The following TRDN variants were observed in gnomAD, a reference collection of about 807,000 sequenced individuals.
The protein encoded by TRDN is triadin.
Under a neutral mutation model 149.7 loss-of-function variants are expected in TRDN, and 161 were observed. The ratio of observed to expected loss-of-function variants is 1.08; its 90% CI spans 0.95 to 1.23. The LOEUF (loss-of-function observed/expected upper bound fraction) is 1.23. Among genes scored for constraint, TRDN ranks in the 50% most tolerant of loss-of-function variants. TRDN has a pLI of 0.00. For synonymous variants in TRDN, 294 were observed against 250.5 expected, an observed-to-expected ratio of 1.17 and a Z score of -1.64; for missense variants, 896 against 823.5, an observed-to-expected ratio of 1.09 and a Z score of -1.08.
rs754886050 is a variant in TRDN at position 123,636,783 on chromosome 6, G to C, written c.-8C>G. ...AGCAGTGATCTCAGTCATGGTGGTC[G>C]TCAAAAGTAAAAGTCAGTTGAAAAG... On this transcript the variant is annotated 5_prime_UTR_variant, in exon 1 of 41. Coordinates refer to ENST00000334268, the MANE Select transcript of TRDN (RefSeq NM_006073.4). 8 of 1,611,198 alleles carry C rather than the reference G, an allele frequency of 5.0e-6. No individual in the cohort carries two copies. Among genetic ancestry groups the C allele is most frequent in the Middle Eastern group, 1.7e-4 (1 of 6,038 alleles).
At chr6:123,554,727 A>G (rs1169806174) in intron 2 of TRDN, among the ~76,000 whole-genome samples, 1 of 152,156 alleles carries the variant, frequency 6.6e-6, no homozygotes, top group Non-Finnish European at 1.5e-5. Flanking sequence ...GGAAGAAAGA[A>G]AAAACAGATA....
intron 12 of TRDN, among the ~76,000 whole-genome samples, chr6:123,432,108 T>C (rs1305022278): frequency 6.6e-6 from 1 of 152,172 alleles, no homozygotes; most frequent in African/African-American, 2.4e-5. Flanking sequence ...ACCTGACCAA[T>C]TCACCACCAC....
intron 24 of TRDN, among the ~76,000 whole-genome samples, chr6:123,288,063 A>T (rs2114644780): frequency 6.6e-6 from 1 of 152,206 alleles, no homozygotes; most frequent in South Asian, 2.1e-4. Flanking sequence ...TTAAAATAAA[A>T]ATATAAAGGT....
At chr6:123,276,237 T>C (rs954346031) in intron 26 of TRDN, among the ~76,000 whole-genome samples, 1 of 151,992 alleles carries the variant, frequency 6.6e-6, no homozygotes, top group Admixed American at 6.6e-5. Flanking sequence ...TAAGTAGAAG[T>C]AGAATGTTGC....
intron 21 of TRDN, among the ~76,000 whole-genome samples, chr6:123,341,759 C>T (rs1780072001): frequency 6.6e-6 from 1 of 151,878 alleles, no homozygotes; most frequent in South Asian, 2.1e-4. Flanking sequence ...CTAGAAAATA[C>T]TATATAACAC....
At chr6:123,604,185 A>G (rs1256049275) in intron 1 of TRDN, among the ~76,000 whole-genome samples, 1 of 152,214 alleles carries the variant, frequency 6.6e-6, no homozygotes, top group East Asian at 1.9e-4. Flanking sequence ...AGGCAGACAG[A>G]GAAGTGAGCC....
At chr6:123,503,489 T>C in intron 8 of TRDN, 6 of 985,038 alleles carry the variant, frequency 6.1e-6, no homozygotes, top group Non-Finnish European at 7.2e-6. Flanking sequence ...AAACCCCTTT[T>C]AAAAATACTT....
intron 7 of TRDN, among the ~76,000 whole-genome samples, chr6:123,506,361 A>T (rs562283645): frequency 1.3e-5 from 2 of 151,960 alleles, no homozygotes; most frequent in African/African-American, 4.8e-5. Flanking sequence ...CCTCTACTGG[A>T]CTGCTTTCTT....
chr6:123,503,861 C>A lies in TRDN; in HGVS notation c.651G>T (p.Lys217Asn), dbSNP rs781233223. 1 of 1,585,040 alleles carries A rather than the reference C, an allele frequency of 6.3e-7. No homozygotes were observed. The highest frequency in any genetic ancestry group is 2.3e-5 in the East Asian group (1 of 44,054). ...TTCCACCTTTCACTTCCTTTTTAGT[C>A]TTTTCTTCACTCTTTTCTGCAGTCT... ...KAKTAEKSEE[K>N]TKKEVKGGKQ... The change falls in exon 8 of 41, where the codon AAG becomes AAT. Residue 217 changes from lysine to asparagine, a missense_variant. By Grantham distance (94) the Lys-to-Asn change is moderately conservative. Coordinates refer to ENST00000334268, the MANE Select transcript of TRDN (RefSeq NM_006073.4).
At chr6:123,582,864 G>A (rs202014378) in intron 1 of TRDN, among the ~76,000 whole-genome samples, 8 of 3,488 alleles carry the variant, frequency 2.3e-3, no homozygotes, top group Admixed American at 8.3e-3. Flanking sequence ...GAGTGGGATT[G>A]GGGGGGCGTG....
rs571365834 is a variant in TRDN, at chr6:123,507,842, G to A, written c.611-3941C>T. ...TCCATTAGCTACTGCATCAGATTCA[G>A]AATGTCTGATGCCAAAGTATTAAAT... On this transcript the variant is annotated intron_variant, in intron 7 of 40. Coordinates refer to ENST00000334268, the MANE Select transcript of TRDN (RefSeq NM_006073.4). 3.9e-5 allele frequency among the ~76,000 whole-genome samples: 6 copies of A among 152,238 alleles called. No individual in the cohort carries two copies. In the South Asian group the frequency reaches 1.0e-3, roughly 26 times the overall value.
chr6:123,421,943 C>A (rs1773922757), intron 12 of TRDN, among the ~76,000 whole-genome samples: 1 of 151,928 alleles, frequency 6.6e-6, no homozygotes, highest in Non-Finnish European at 1.5e-5. Flanking sequence ...CACTGCACTT[C>A]AGCCTACAGA....
chr6:123,262,510 G>A (rs1363118496), intron 33 of TRDN, among the ~76,000 whole-genome samples: 1 of 152,042 alleles, frequency 6.6e-6, no homozygotes, highest in Non-Finnish European at 1.5e-5. Flanking sequence ...CTGGTCCAGT[G>A]TCATAGACCT....
chr6:123,603,161 G>GAGTTTGTTTTTTCATGAAT (rs144847461), intron 1 of TRDN, among the ~76,000 whole-genome samples: 6 of 133,594 alleles, frequency 4.5e-5, no homozygotes, highest in Admixed American at 1.6e-4. Context: ...ACTTTTTTCT[G>GAGTTTGTTTTTTCATGAAT]TGTACACATA....
At chr6:123,549,330 A>C (rs533992418) in intron 2 of TRDN, among the ~76,000 whole-genome samples, 1 of 152,166 alleles carries the variant, frequency 6.6e-6, no homozygotes, top group African/African-American at 2.4e-5. Flanking sequence ...GGATTTCCAA[A>C]ATTTTATTCT....
chr6:123,419,781 C>T (rs1421120940), intron 12 of TRDN, among the ~76,000 whole-genome samples: 3 of 152,172 alleles, frequency 2.0e-5, no homozygotes, highest in African/African-American at 7.2e-5. Flanking sequence ...TCACCTTAAC[C>T]TTGGGTGATA....
At position 123,260,644 on chromosome 6, in the gene TRDN, G is replaced by GAAA. The variant is rs11373802; in HGVS notation, c.1805-9_1805-7dup. 2,681 of 1,060,506 alleles carry GAAA rather than the reference G, an allele frequency of 2.5e-3. 1 individual carries two copies. The highest frequency in any genetic ancestry group is 9.1e-3 in the South Asian group (444 of 48,834). The allele number at this position is 1,060,506 out of a possible 1,614,324, so 65.7% of individuals were successfully genotyped here. On this transcript the variant is annotated splice_polypyrimidine_tract_variant and splice_region_variant and intron_variant, in intron 33 of 40. Coordinates refer to ENST00000334268, the MANE Select transcript of TRDN (RefSeq NM_006073.4). ...TGTGACTTCTGATGTTCCTTCTTTA[G>GAAA]AAAAAAAAAAAAAAAGAATGTAGAA...
intron 24 of TRDN, among the ~76,000 whole-genome samples, chr6:123,311,036 C>T (rs958221214): frequency 3.2e-4 from 48 of 151,958 alleles, no homozygotes; most frequent in Admixed American, 5.3e-4. Context: ...AAGACCTGGA[C>T]AATGAGAACC....
chr6:123,408,608 G>A (rs80202902), intron 12 of TRDN, among the ~76,000 whole-genome samples: 2,675 of 151,406 alleles, frequency 0.018, 63 homozygotes, highest in East Asian at 0.079. Context: ...AACCCAGGAC[G>A]CAGAGGTTGC....
Sources: allele counts gnomAD v4.1 joint callset (sites outside exome capture counted in the v4.1 genomes callset), GRCh38; gene constraint gnomAD v4.1.1; transcripts MANE v1.5; gene names NCBI Gene and HGNC (gene_info 2026-07-23, HGNC 2026-07-21).